The following BRD10 variants were observed in gnomAD, a reference collection of about 807,000 sequenced individuals.
BRD10 encodes uncharacterized bromodomain-containing protein 10.
the BRD10 span, among the ~76,000 whole-genome samples, chr9:5,937,525 A>T: frequency 6.6e-6 from 1 of 152,032 alleles, no homozygotes; most frequent in Non-Finnish European, 1.5e-5. Context: ...AATGAACAAG[A>T]CTCCGTTTAC....
chr9:5,911,090 T>C, the BRD10 span, among the ~76,000 whole-genome samples: 2 of 152,222 alleles, frequency 1.3e-5, no homozygotes, highest in Non-Finnish European at 2.9e-5. Flanking sequence ...CTGTGCTATG[T>C]AGGGTATTAC....
chr9:5,951,139 C>G, the BRD10 span, among the ~76,000 whole-genome samples: 1 of 151,608 alleles, frequency 6.6e-6, no homozygotes, highest in Non-Finnish European at 1.5e-5. Flanking sequence ...ACAGTGTATA[C>G]TCTAAATAGG....
the BRD10 span, among the ~76,000 whole-genome samples, chr9:5,986,689 A>T: frequency 3.3e-5 from 5 of 152,194 alleles, no homozygotes; most frequent in Admixed American, 3.3e-4. Flanking sequence ...ACTAAAAGAG[A>T]TAGCTTAATT....
At chr9:5,928,770 T>C in the BRD10 span, among the ~76,000 whole-genome samples, 5 of 152,238 alleles carry the variant, frequency 3.3e-5, no homozygotes, top group African/African-American at 1.2e-4. Flanking sequence ...TTAACCCCCT[T>C]ACCTTGCTTT....
At chr9:5,988,330 TTTC>T in the BRD10 span, 7 of 1,595,038 alleles carry the variant, frequency 4.4e-6, no homozygotes, top group East Asian at 6.7e-5. Context: ...TATGAATTTT[TTTC>T]TTAACATTTA....
At chr9:5,979,912 G>A in the BRD10 span, among the ~76,000 whole-genome samples, 22 of 151,244 alleles carry the variant, frequency 1.5e-4, no homozygotes, top group African/African-American at 4.4e-4. Flanking sequence ...CTACTCAGGA[G>A]GCTGAGGTGG....
At chr9:5,965,611 A>G in the BRD10 span, among the ~76,000 whole-genome samples, 2 of 152,260 alleles carry the variant, frequency 1.3e-5, no homozygotes, top group Non-Finnish European at 2.9e-5. Context: ...ACTGGGGATG[A>G]CTTAAACATT....
At chr9:5,967,138 G>A in the BRD10 span, among the ~76,000 whole-genome samples, 3 of 151,678 alleles carry the variant, frequency 2.0e-5, no homozygotes, top group Admixed American at 1.3e-4. Flanking sequence ...ATAAAAAGCT[G>A]AAATCCACAA....
the BRD10 span, among the ~76,000 whole-genome samples, chr9:5,992,722 T>C: frequency 2.2e-3 from 341 of 152,178 alleles, no homozygotes; most frequent in Non-Finnish European, 3.6e-3. Context: ...CCCCCTTTTT[T>C]TTTTTTTAAC....
chr9:6,006,248 G>A, the BRD10 span, among the ~76,000 whole-genome samples: 1 of 152,174 alleles, frequency 6.6e-6, no homozygotes, highest in South Asian at 2.1e-4. Context: ...AACTCTATGA[G>A]AGAAGTACTA....
the BRD10 span, chr9:5,921,815 G>C: frequency 1.9e-6 from 3 of 1,614,002 alleles, no homozygotes; most frequent in Non-Finnish European, 2.5e-6. Flanking sequence ...CAAGGGAGAA[G>C]AGGGCATGTG....
At chr9:5,905,183 T>C in the BRD10 span, among the ~76,000 whole-genome samples, 4 of 152,244 alleles carry the variant, frequency 2.6e-5, no homozygotes, top group Non-Finnish European at 4.4e-5. Context: ...ATAGGCATTA[T>C]GAGTATCTTA....
the BRD10 span, among the ~76,000 whole-genome samples, chr9:5,960,648 A>C: frequency 2.0e-5 from 3 of 151,996 alleles, no homozygotes; most frequent in South Asian, 4.1e-4. Context: ...AAAGTATCTT[A>C]AAACACCATA....
the BRD10 span, among the ~76,000 whole-genome samples, chr9:5,999,894 C>T: frequency 6.6e-6 from 1 of 151,096 alleles, no homozygotes; most frequent in Non-Finnish European, 1.5e-5. Context: ...CCACATTAAC[C>T]ACATACTACC....
chr9:5,918,716 T>C, the BRD10 span, among the ~76,000 whole-genome samples: 2 of 148,312 alleles, frequency 1.3e-5, no homozygotes, highest in African/African-American at 2.5e-5. Context: ...AACCTAATAC[T>C]TGGGGGGCTG....
the BRD10 span, chr9:5,967,969 CA>C: frequency 8.3e-7 from 1 of 1,205,674 alleles, no homozygotes; most frequent in African/African-American, 1.5e-5. Flanking sequence ...ATGGAAAAAA[CA>C]ATTTGAATTA....
At chr9:5,984,069 G>C in the BRD10 span, among the ~76,000 whole-genome samples, 1 of 149,818 alleles carries the variant, frequency 6.7e-6, no homozygotes, top group African/African-American at 2.5e-5. Context: ...AAAAACCTCA[G>C]AATTCATTGT....
the BRD10 span, among the ~76,000 whole-genome samples, chr9:5,884,813 G>A: frequency 6.6e-6 from 1 of 152,180 alleles, no homozygotes; most frequent in Non-Finnish European, 1.5e-5. Context: ...AATGGCCATG[G>A]GATTTACCAC....
chr9:5,934,643 G>A, the BRD10 span, among the ~76,000 whole-genome samples: 1 of 152,036 alleles, frequency 6.6e-6, no homozygotes, highest in Non-Finnish European at 1.5e-5. Context: ...TGGGATTACA[G>A]ACACGAGCCA....
Sources: gnomAD v4.1 joint callset for allele counts (sites outside exome capture counted in the v4.1 genomes callset) on GRCh38, gnomAD v4.1.1 for gene constraint, MANE v1.5 for transcripts, NCBI Gene and HGNC (gene_info 2026-07-23, HGNC 2026-07-21) for gene names.